The following MLLT10 variants were observed in gnomAD, a reference collection of about 807,000 sequenced individuals.
The protein encoded by MLLT10 is MLLT10 histone lysine methyltransferase DOT1L cofactor.
MLLT10 carries 30 observed loss-of-function variants against 129.1 expected under a neutral mutation model. The observed-to-expected ratio is 0.23, with a 90% CI of 0.17 to 0.32. The LOEUF (loss-of-function observed/expected upper bound fraction) is 0.32, where lower values mean the gene tolerates loss of function less well. MLLT10 is among the 10% of genes least tolerant of loss of function. The pLI is 1.00. For synonymous variants in MLLT10, 490 were observed against 446.4 expected (o/e 1.10, Z -1.23); for missense variants, 1,119 against 1,268.3 (o/e 0.88, Z 1.79).
At chr10:21,600,368 AAC>A (rs199618726) in intron 5 of MLLT10, among the ~76,000 whole-genome samples, 8,583 of 143,814 alleles carry the variant, frequency 0.06, 278 homozygotes, top group African/African-American at 0.088. Flanking sequence ...CCTGAGATAG[AAC>A]ACACACACAC....
intron 4 of MLLT10, among the ~76,000 whole-genome samples, chr10:21,595,009 T>A (rs2042909089): frequency 6.6e-6 from 1 of 152,210 alleles, no homozygotes. Context: ...AAACTCCTTT[T>A]ATAGTGGTTC....
At chr10:21,572,766 C>T (rs1238691234) in intron 3 of MLLT10, among the ~76,000 whole-genome samples, 1 of 152,078 alleles carries the variant, frequency 6.6e-6, no homozygotes, top group Non-Finnish European at 1.5e-5. Context: ...GCATGTACCA[C>T]TAAGCACAGC....
At chr10:21,592,024 G>A (rs964381263) in intron 4 of MLLT10, among the ~76,000 whole-genome samples, 2 of 152,054 alleles carry the variant, frequency 1.3e-5, no homozygotes, top group Non-Finnish European at 2.9e-5. Flanking sequence ...CCTGGCCTGT[G>A]TGTGCCACTT....
chr10:21,599,649 C>T (rs183516474), intron 5 of MLLT10, among the ~76,000 whole-genome samples: 4 of 152,234 alleles, frequency 2.6e-5, no homozygotes, highest in East Asian at 3.9e-4. Context: ...ACTGCAGCCT[C>T]GACCTCTTGG....
intron 8 of MLLT10, chr10:21,624,938 T>TC (rs1450732541): frequency 2.3e-6 from 3 of 1,310,578 alleles, no homozygotes; most frequent in East Asian, 4.7e-5. Context: ...GAGGTGGTGC[T>TC]CCCCTCCCCC....
chr10:21,646,555 C>G (rs752267373), intron 8 of MLLT10, among the ~76,000 whole-genome samples: 3 of 151,578 alleles, frequency 2.0e-5, no homozygotes, highest in Non-Finnish European at 2.9e-5. Context: ...TTAAGCCATA[C>G]CTTTCTGTAA....
chr10:21,604,094 G>T (rs1226161669), intron 5 of MLLT10, among the ~76,000 whole-genome samples: 1 of 151,962 alleles, frequency 6.6e-6, no homozygotes, highest in African/African-American at 2.4e-5. Flanking sequence ...CTGCCTTCTG[G>T]ACCCCCCAAA....
chr10:21,535,390 C>T (rs1169859313), intron 2 of MLLT10, among the ~76,000 whole-genome samples: 1 of 152,104 alleles, frequency 6.6e-6, no homozygotes, highest in African/African-American at 2.4e-5. Context: ...CTGCCGCCGC[C>T]GCCCGGTAGC....
intron 8 of MLLT10, among the ~76,000 whole-genome samples, chr10:21,617,693 T>C (rs992936339): frequency 1.3e-5 from 2 of 152,212 alleles, no homozygotes; most frequent in Non-Finnish European, 2.9e-5. Flanking sequence ...ATTTTGTCTT[T>C]TAATTAAAAC....
intron 3 of MLLT10, among the ~76,000 whole-genome samples, chr10:21,578,903 T>C (rs911509197): frequency 2.0e-5 from 3 of 152,240 alleles, no homozygotes; most frequent in Non-Finnish European, 2.9e-5. Flanking sequence ...AATCATGTAA[T>C]GTTAAGAACT....
intron 8 of MLLT10, among the ~76,000 whole-genome samples, chr10:21,622,323 A>AT (rs57240669): frequency 0.011 from 1,455 of 136,708 alleles, 13 homozygotes; most frequent in African/African-American, 0.023. Context: ...ATGCCGGCCA[A>AT]TTTTTTTTTT....
At chr10:21,738,316 T>A (rs2058548102) in intron 21 of MLLT10, 7 of 993,008 alleles carry the variant, frequency 7.0e-6, no homozygotes, top group Non-Finnish European at 9.3e-6. Flanking sequence ...TCTTGTTTTT[T>A]CTTACCAGTT....
At chr10:21,689,590 G>A (rs1457314568) in intron 13 of MLLT10, among the ~76,000 whole-genome samples, 2 of 97,606 alleles carry the variant, frequency 2.0e-5, no homozygotes, top group Non-Finnish European at 4.2e-5. Flanking sequence ...TATATATATA[G>A]CGTGTGTGTT....
chr10:21,549,780 A>G lies in MLLT10; in HGVS notation c.240+10868A>G, dbSNP rs949261939. On this transcript the variant is annotated intron_variant, in intron 3 of 22. Transcript: ENST00000307729. The stretch of plus-strand genomic sequence containing the variant: ...TAGCTTCCCGAGTAGCTGGGATTAC[A>G]GGTGTGTGCCACTATGCCTGGCTAA... Among the ~76,000 whole-genome samples the G allele has an allele frequency of 2.7e-5, 4 of 150,790 alleles. No individual in the cohort carries two copies. In the Admixed American group the frequency reaches 2.7e-4, roughly 10 times the overall value.
intron 13 of MLLT10, among the ~76,000 whole-genome samples, chr10:21,704,025 T>G (rs866512064): frequency 3.7e-4 from 51 of 136,068 alleles, no homozygotes; most frequent in African/African-American, 1.2e-3. Flanking sequence ...TGTTTTTTTT[T>G]TTTTTTTTTT....
intron 8 of MLLT10, among the ~76,000 whole-genome samples, chr10:21,635,905 C>T (rs2047413015): frequency 6.8e-6 from 1 of 146,302 alleles, no homozygotes; most frequent in East Asian, 2.0e-4. Context: ...GGATTACAAG[C>T]GTGAGCCGCT....
chr10:21,555,454 C>A (rs976082210), intron 3 of MLLT10, among the ~76,000 whole-genome samples: 10 of 152,044 alleles, frequency 6.6e-5, no homozygotes, highest in African/African-American at 2.4e-4. Context: ...GACTCCTGAC[C>A]TCAGGTGATC....
intron 14 of MLLT10, among the ~76,000 whole-genome samples, chr10:21,715,230 A>T (rs2056446593): frequency 6.6e-6 from 1 of 152,230 alleles, no homozygotes; most frequent in South Asian, 2.1e-4. Context: ...TGTGAATGGC[A>T]CAGTGAGAGC....
chr10:21,694,731 A>G lies in MLLT10; in HGVS notation c.1699+12474A>G, dbSNP rs534336816. On this transcript the variant is annotated intron_variant, in intron 13 of 22. Transcript: ENST00000307729. Reference sequence around the variant, plus strand: ...TAGTTTTCCATTGCTGACATAACAAATTATCAGAAAGTTAGCAGCTTAAAA... The same window carrying G: ...TAGTTTTCCATTGCTGACATAACAAGTTATCAGAAAGTTAGCAGCTTAAAA... Among the ~76,000 whole-genome samples, 158 of 152,298 alleles carry G rather than the reference A, an allele frequency of 1.0e-3. 2 individuals are homozygous for G. In the South Asian group the frequency reaches 0.032, roughly 31 times the overall value.
Sources: gnomAD v4.1 joint callset for allele counts (sites outside exome capture counted in the v4.1 genomes callset) on GRCh38, gnomAD v4.1.1 for gene constraint, MANE v1.5 for transcripts, NCBI Gene and HGNC (gene_info 2026-07-23, HGNC 2026-07-21) for gene names.